The following CSMD3 variants were observed in gnomAD, a reference collection of about 807,000 sequenced individuals.
CSMD3 encodes CUB and sushi domain-containing protein 3.
In CSMD3, 177 loss-of-function variants were observed where a neutral mutation model predicts 435.2. The observed-to-expected ratio is 0.41, with a 90% CI of 0.36 to 0.46. The LOEUF is 0.46. Ranked by LOEUF, CSMD3 falls within the 20% of genes least tolerant of loss-of-function variation. The pLI is 0.34. For synonymous variants in CSMD3, 1,656 were observed against 1,520.5 expected (o/e 1.09, Z -2.07); for missense variants, 4,265 against 4,504.6 (o/e 0.95, Z 1.52).
chr8:112,314,336 A>T (rs1027433788), intron 48 of CSMD3, 93 bp downstream of exon 48: 2 of 935,538 alleles, frequency 2.1e-6, no homozygotes, highest in Non-Finnish European at 3.5e-6. Context: ...AGATAAACTC[A>T]CATAAGCAGC....
In CSMD3 at chr8:112,647,081, T is replaced by A. The variant is rs1811755535; in HGVS notation, c.3194-1856A>T. Reference sequence around the variant, plus strand: ...ATGAGAAAGCAAGCAAGTATAGAAATAACTCAAACAGTCTAGTTCCAGGGT... The same window carrying A: ...ATGAGAAAGCAAGCAAGTATAGAAAAAACTCAAACAGTCTAGTTCCAGGGT... On this transcript the variant is annotated intron_variant, in intron 19 of 70. Transcript: ENST00000297405. Among the ~76,000 whole-genome samples, 3 of 142,838 alleles carry A rather than the reference T, an allele frequency of 2.1e-5. No individual in the cohort carries two copies. In the South Asian group the frequency reaches 6.7e-4, roughly 32 times the overall value. 93.7% of individuals were successfully genotyped at this position (142,838 alleles called of 152,430 possible). A position where few individuals can be genotyped will look rare whatever the true frequency, so the allele number is the denominator to read the frequency against.
chr8:112,245,789 C>T (rs12680873), intron 64 of CSMD3, among the ~76,000 whole-genome samples: 63,320 of 152,058 alleles, frequency 0.42, 14,838 homozygotes, highest in African/African-American at 0.65. Context: ...CTGCCCACCT[C>T]GGCCTCCCAA....
intron 2 of CSMD3, among the ~76,000 whole-genome samples, chr8:113,293,093 T>A (rs967976217): frequency 1.3e-5 from 2 of 151,882 alleles, no homozygotes; most frequent in Non-Finnish European, 2.9e-5. Context: ...TATATGCACA[T>A]GGGTAGAGAC....
At chr8:113,432,218 CT>C (rs1236800324) in intron 1 of CSMD3, among the ~76,000 whole-genome samples, 1 of 152,156 alleles carries the variant, frequency 6.6e-6, no homozygotes, top group Non-Finnish European at 1.5e-5. Context: ...AACAAGCTAA[CT>C]GTCCAGTGAA....
chr8:112,517,312 A>T, intron 27 of CSMD3, 87 bp from the exon 28 acceptor site: 1 of 967,560 alleles, frequency 1.0e-6, no homozygotes, highest in Admixed American at 2.4e-5. Flanking sequence ...ATTAATTTTT[A>T]AAATTTTGGG....
chr8:113,150,264 C>T lies in CSMD3; in HGVS notation c.709+23458G>A, dbSNP rs2091776148. On this transcript the variant is annotated intron_variant, in intron 4 of 70. Transcript: ENST00000297405. ...GGTTTTGTAGGTGTAATTATGGTTC[C>T]TAGTCAACTGACTTTAAATTTAGGA... Among the ~76,000 whole-genome samples, 4 of 151,966 alleles carry T rather than the reference C, an allele frequency of 2.6e-5. No individual in the cohort carries two copies. In the South Asian group the frequency reaches 8.3e-4, roughly 32 times the overall value.
At chr8:112,321,510 C>T (rs1266265463) in intron 45 of CSMD3, among the ~76,000 whole-genome samples, 1 of 152,096 alleles carries the variant, frequency 6.6e-6, no homozygotes, top group East Asian at 1.9e-4. Context: ...GAGGAGAAAA[C>T]TTGAACAAAA....
Position 112,586,076 on chromosome 8 carries a change from C to T in CSMD3, c.3885+990G>A, listed in dbSNP as rs181245364. Among the ~76,000 whole-genome samples the T allele has an allele frequency of 6.6e-5, 10 of 151,596 alleles. No individual in the cohort carries two copies. The East Asian group carries it at 1.9e-3, about 29-fold the overall frequency. On this transcript the variant is annotated intron_variant, in intron 23 of 70. Transcript: ENST00000297405. Reference sequence around the variant, plus strand: ...ACATTGTGAGAAATTTTCCCCAAAGCCTATACAAATCTTATAAGCATATCA... The same window carrying T: ...ACATTGTGAGAAATTTTCCCCAAAGTCTATACAAATCTTATAAGCATATCA...
At chr8:112,626,317 TC>T (rs1401181866) in intron 22 of CSMD3, among the ~76,000 whole-genome samples, 3 of 152,096 alleles carry the variant, frequency 2.0e-5, no homozygotes, top group Non-Finnish European at 2.9e-5. Context: ...TAATTTATAG[TC>T]CTAGTTTGTT....
chr8:112,289,393 A>G lies in CSMD3; in HGVS notation c.9120T>C (p.His3040=), dbSNP rs1045868628. 6.2e-6 allele frequency: 10 copies of G among 1,613,190 alleles called. No homozygotes were observed. The highest frequency in any genetic ancestry group is 5.3e-5 in the African/African-American group (4 of 74,870). The change falls in exon 57 of 71, where the codon CAT becomes CAC. Residue 3040 remains histidine, a synonymous_variant. Transcript: ENST00000297405. The part of the protein sequence containing the change: ...QSSRTCQLNG[H]WSGSQPHCSG... The stretch of plus-strand genomic sequence containing the variant: ...AACAATGAGGTTGTGATCCACTCCA[A>G]TGGCCATTCAATTGGCAGGTTCTTG...
rs1400367583 is a variant in CSMD3 at position 112,516,990 on chromosome 8, T to C, written c.4756+44A>G. The C allele has an allele frequency of 3.5e-6, 5 of 1,441,778 alleles. No individual in the cohort carries two copies. In the Admixed American group the frequency reaches 6.7e-5, roughly 19 times the overall value. The allele number at this position is 1,441,778 out of a possible 1,614,324, so 89.3% of individuals were successfully genotyped here. A position where few individuals can be genotyped will look rare whatever the true frequency, so the allele number is the denominator to read the frequency against. On this transcript the variant is annotated intron_variant, in intron 28 of 70. Coordinates refer to ENST00000297405, the MANE Select transcript of CSMD3 (RefSeq NM_198123.2). ...AAGAACAATACCAGTTTTTAACCAT[T>C]GTTTTATGTTTATATAAAATTTTAA...
In CSMD3 at chr8:113,331,564, T is replaced by TA. The variant is rs915008950; in HGVS notation, c.179-16772dup. Among the ~76,000 whole-genome samples the TA allele has an allele frequency of 5.3e-5, 8 of 151,392 alleles. No homozygotes were observed. The South Asian group carries it at 8.3e-4, about 16-fold the overall frequency. On this transcript the variant is annotated intron_variant, in intron 1 of 70. Coordinates refer to ENST00000297405, the MANE Select transcript of CSMD3 (RefSeq NM_198123.2). ...TACTAGAAAAGTGAATTCAGCAAAA[T>TA]AAAAAAATAATCACACATAATAACC...
At position 112,408,564 on chromosome 8, in the gene CSMD3, C is replaced by T. The variant is rs958847972; in HGVS notation, c.5510-151G>A. 21 of 678,382 alleles carry T rather than the reference C, an allele frequency of 3.1e-5. No individual in the cohort carries two copies. The Admixed American group carries it at 3.5e-4, about 11-fold the overall frequency. 42.0% of individuals were successfully genotyped at this position (678,382 alleles called of 1,614,324 possible). A position where few individuals can be genotyped will look rare whatever the true frequency, so the allele number is the denominator to read the frequency against. ...ATATCCTACAACTACCAATATATTT[C>T]CTTTGGGTTCAACTTGTATTGCAAT... On this transcript the variant is annotated intron_variant, in intron 33 of 70. Transcript: ENST00000297405.
intron 4 of CSMD3, among the ~76,000 whole-genome samples, chr8:113,121,992 T>C (rs2131638805): frequency 6.6e-6 from 1 of 152,170 alleles, no homozygotes; most frequent in Non-Finnish European, 1.5e-5. Flanking sequence ...CTTTACGTAG[T>C]TTTGATATTT....
intron 10 of CSMD3, among the ~76,000 whole-genome samples, chr8:112,917,682 A>T (rs1417780222): frequency 6.6e-6 from 1 of 151,946 alleles, no homozygotes; most frequent in African/African-American, 2.4e-5. Context: ...GATAAATTGT[A>T]CTCTAAATGA....
intron 13 of CSMD3, among the ~76,000 whole-genome samples, chr8:112,784,724 C>CA (rs1327506937): frequency 6.6e-6 from 1 of 151,890 alleles, no homozygotes; most frequent in African/African-American, 2.4e-5. Flanking sequence ...TAAAGAAATC[C>CA]AAAACCTTAA....
intron 3 of CSMD3, among the ~76,000 whole-genome samples, chr8:113,276,915 G>A (rs1340239203): frequency 1.3e-5 from 2 of 151,896 alleles, no homozygotes; most frequent in African/African-American, 2.4e-5. Flanking sequence ...GAAAAAGATG[G>A]ACAGAAATTT....
intron 16 of CSMD3, among the ~76,000 whole-genome samples, chr8:112,681,368 A>C (rs912631219): frequency 6.6e-6 from 1 of 151,932 alleles, no homozygotes; most frequent in African/African-American, 2.4e-5. Flanking sequence ...TATCTTTATA[A>C]TAAAATAGAT....
At chr8:112,298,079 A>T (rs1217157706) in intron 53 of CSMD3, among the ~76,000 whole-genome samples, 1 of 149,720 alleles carries the variant, frequency 6.7e-6, no homozygotes, top group Non-Finnish European at 1.5e-5. Flanking sequence ...AAAAAAAAAA[A>T]AAAAAAAAAA....
Sources: allele counts gnomAD v4.1 joint callset (sites outside exome capture counted in the v4.1 genomes callset), GRCh38; gene constraint gnomAD v4.1.1; transcripts MANE v1.5; gene names NCBI Gene and HGNC (gene_info 2026-07-23, HGNC 2026-07-21).